The following SFT2D1 variants were observed in gnomAD, a reference collection of about 807,000 sequenced individuals.
SFT2D1 encodes the protein SFT2 domain containing 1.
SFT2D1 carries 24 observed loss-of-function variants against 28.1 expected under a neutral mutation model. The ratio of observed to expected loss-of-function variants is 0.85; its 90% CI spans 0.62 to 1.20. The LOEUF (loss-of-function observed/expected upper bound fraction) is 1.20, where lower values mean the gene tolerates loss of function less well. Among genes scored for constraint, SFT2D1 ranks in the 50% most tolerant of loss-of-function variants. The pLI, the probability that SFT2D1 is intolerant of heterozygous loss-of-function variation, is 0.00. For missense variants in SFT2D1, 181 were observed against 190.9 expected (o/e 0.95, Z 0.31); for synonymous variants, 82 against 73.7 (o/e 1.11, Z -0.58).
chr6:166,322,418 G>A (rs1177177412), intron 7 of SFT2D1, among the ~76,000 whole-genome samples: 4 of 151,970 alleles, frequency 2.6e-5, no homozygotes, highest in Non-Finnish European at 5.9e-5. Context: ...ACTGCCGGGC[G>A]CGGTGGCTCA....
At position 166,330,261 on chromosome 6, in the gene SFT2D1, G is replaced by T; in HGVS notation, c.64-14C>A. 1 of 1,566,958 alleles carries T rather than the reference G, an allele frequency of 6.4e-7. No homozygotes were observed. Among genetic ancestry groups the T allele is most frequent in the Admixed American group, 2.0e-5 (1 of 51,052 alleles). On this transcript the variant is annotated splice_polypyrimidine_tract_variant and intron_variant, in intron 1 of 7. Transcript: ENST00000361731. ...GGCATCCAGGACCTTAATAAAAAAT[G>T]GGAAAATTTAGAATATAGTCTTAAT...
chr6:166,335,452 TGGA>T (rs1225321473), intron 1 of SFT2D1: 4 of 547,774 alleles, frequency 7.3e-6, no homozygotes, highest in South Asian at 1.4e-5. Context: ...CTTATGGTGG[TGGA>T]GAACAATACT....
At position 166,342,433 on chromosome 6, in the gene SFT2D1, C is replaced by G. The variant is rs1187934762; in HGVS notation, c.49G>C (p.Gly17Arg). ...AAGTTCGCTACCTGCGCAGTCAGGC[C>G]CTGCTCCTCGTCGTCCTGGCCGCTC... ...VLSGQDDEEQGLTAQVLDASS... is the reference protein window; with the variant it reads ...VLSGQDDEEQRLTAQVLDASS... Residue 17 changes from glycine (G) to arginine (R), a missense_variant, in exon 1 of 8, where the codon GGC becomes CGC. Transcript: ENST00000361731. 2.6e-6 allele frequency: 4 copies of G among 1,560,774 alleles called. No individual in the cohort carries two copies. The highest frequency in any genetic ancestry group is 3.5e-6 in the Non-Finnish European group (4 of 1,153,268).
chr6:166,337,612 A>C (rs1395615113), intron 1 of SFT2D1, among the ~76,000 whole-genome samples: 2 of 152,054 alleles, frequency 1.3e-5, no homozygotes, highest in Non-Finnish European at 2.9e-5. Context: ...CTACCATGGG[A>C]ACAGTGAGGG....
At chr6:166,332,756 T>G (rs1009873860) in intron 1 of SFT2D1, among the ~76,000 whole-genome samples, 1 of 152,220 alleles carries the variant, frequency 6.6e-6, no homozygotes, top group African/African-American at 2.4e-5. Flanking sequence ...TACAGGCCCT[T>G]GAGGAGGGGC....
intron 4 of SFT2D1, among the ~76,000 whole-genome samples, chr6:166,327,804 T>A (rs887987898): frequency 6.6e-6 from 1 of 152,034 alleles, no homozygotes; most frequent in African/African-American, 2.4e-5. Flanking sequence ...AGGATATATT[T>A]TTTTTTTGGT....
intron 7 of SFT2D1, 138 bp from the exon 8 acceptor site, chr6:166,320,394 G>C: frequency 1.5e-6 from 1 of 654,374 alleles, no homozygotes; most frequent in South Asian, 2.0e-5. Flanking sequence ...TAAAAACTTT[G>C]TTCAGTATCA....
chr6:166,328,345 TA>T lies in SFT2D1; in HGVS notation c.245del (p.Leu82Ter). 1 of 1,583,600 alleles carries T rather than the reference TA, an allele frequency of 6.3e-7. No homozygotes were observed. Among genetic ancestry groups the T allele is most frequent in the Non-Finnish European group, 8.6e-7 (1 of 1,164,236 alleles). On this transcript the variant is annotated frameshift_variant, in exon 4 of 8. Transcript: ENST00000361731. LOFTEE classifies it high-confidence loss of function. ...NLAALASTCF[L>X]MGPVKQLKKM... is the part of the protein sequence containing the mutation. ...TCTTCAGTTGCTTCACAGGTCCCAT[TA>T]AAAAGCATGTACTATTTGAAACAAA...
chr6:166,335,112 C>T, intron 1 of SFT2D1: 1 of 586,134 alleles, frequency 1.7e-6, no homozygotes, highest in Admixed American at 1.9e-5. Context: ...TTAGGGAAGT[C>T]CTGTGAAAGC....
rs147011197 is a variant in SFT2D1 at position 166,325,852 on chromosome 6, G to A, written c.351+280C>T. ...ATGTGTGTTTACTGACTACCTCTAT[G>A]CTGCAGACAGTAGAATCTATGGCAC... On this transcript the variant is annotated intron_variant, in intron 5 of 7. Coordinates refer to ENST00000361731, the MANE Select transcript of SFT2D1 (RefSeq NM_145169.3). 2,161 of 518,800 alleles carry A rather than the reference G, an allele frequency of 4.2e-3. 94 individuals are homozygous for A. The Admixed American group carries it at 0.062, about 15-fold the overall frequency. 32.1% of individuals were successfully genotyped at this position (518,800 alleles called of 1,614,324 possible).
chr6:166,320,746 C>T (rs576518694), intron 7 of SFT2D1, among the ~76,000 whole-genome samples: 9 of 151,430 alleles, frequency 5.9e-5, no homozygotes, highest in African/African-American at 1.9e-4. Context: ...CAAACTCCTG[C>T]GCTCAAGCCA....
intron 4 of SFT2D1, among the ~76,000 whole-genome samples, chr6:166,327,833 T>C (rs1157275337): frequency 6.6e-6 from 1 of 152,120 alleles, no homozygotes; most frequent in African/African-American, 2.4e-5. Flanking sequence ...GGAGCTTCAC[T>C]CTTGTTGGCC....
intron 1 of SFT2D1, among the ~76,000 whole-genome samples, chr6:166,333,370 C>T (rs1162687267): frequency 6.6e-6 from 1 of 152,188 alleles, no homozygotes; most frequent in Admixed American, 6.5e-5. Flanking sequence ...GGCCTTTCCC[C>T]TCCACTCCAC....
chr6:166,335,799 G>A (rs1778638686), intron 1 of SFT2D1, among the ~76,000 whole-genome samples: 1 of 152,240 alleles, frequency 6.6e-6, no homozygotes, highest in Non-Finnish European at 1.5e-5. Context: ...AGCCAGAGAA[G>A]CGATAGGGAA....
intron 1 of SFT2D1, among the ~76,000 whole-genome samples, chr6:166,339,007 A>C (rs1778719282): frequency 6.6e-6 from 1 of 151,944 alleles, no homozygotes. Flanking sequence ...CCCTGTCAAG[A>C]CCCAATTCCA....
At chr6:166,327,199 T>C (rs1010861235) in intron 4 of SFT2D1, among the ~76,000 whole-genome samples, 2 of 152,208 alleles carry the variant, frequency 1.3e-5, no homozygotes, top group African/African-American at 2.4e-5. Flanking sequence ...AATGGTAACA[T>C]TTAAATTCTT....
chr6:166,337,493 G>A (rs570705597), intron 1 of SFT2D1, among the ~76,000 whole-genome samples: 26 of 152,048 alleles, frequency 1.7e-4, no homozygotes, highest in African/African-American at 5.5e-4. Flanking sequence ...CTCCCGCCTC[G>A]CCAGCTGCTC....
chr6:166,327,799 A>AT (rs1778475533), intron 4 of SFT2D1, among the ~76,000 whole-genome samples: 1 of 150,586 alleles, frequency 6.6e-6, no homozygotes, highest in African/African-American at 2.5e-5. Context: ...CACATAGGAT[A>AT]TATTTTTTTT....
intron 1 of SFT2D1, among the ~76,000 whole-genome samples, chr6:166,330,664 TG>T (rs1265020948): frequency 6.6e-6 from 1 of 152,244 alleles, no homozygotes; most frequent in Non-Finnish European, 1.5e-5. Context: ...CTGTTCTCTC[TG>T]CCTCTGCAGG....
Sources: gnomAD v4.1 joint callset for allele counts (sites outside exome capture counted in the v4.1 genomes callset) on GRCh38, gnomAD v4.1.1 for gene constraint, MANE v1.5 for transcripts, NCBI Gene and HGNC (gene_info 2026-07-23, HGNC 2026-07-21) for gene names.